Variants in USP35 observed in about 807,000 individuals in gnomAD.
USP35 encodes ubiquitin specific peptidase 35.
In USP35, 69 loss-of-function variants were observed where a neutral mutation model predicts 83.8. That is an observed-to-expected ratio of 0.82 (90% CI 0.68 to 1.01). The LOEUF (loss-of-function observed/expected upper bound fraction) is 1.01. Ranked by LOEUF, USP35 falls within the 50% of genes least tolerant of loss-of-function variation. The pLI, the probability that USP35 is intolerant of heterozygous loss-of-function variation, is 0.00. For missense variants in USP35, 1,503 were observed against 1,362.5 expected (o/e 1.10, Z -1.62); for synonymous variants, 714 against 589.5 (o/e 1.21, Z -3.06).
intron 1 of USP35, among the ~76,000 whole-genome samples, chr11:78,193,495 G>A (rs1403917787): frequency 6.6e-6 from 1 of 151,196 alleles, no homozygotes; most frequent in Admixed American, 6.6e-5. Context: ...ATGAGCCACT[G>A]TGCCCAGCTG....
At chr11:78,193,816 G>A (rs886132887) in intron 1 of USP35, among the ~76,000 whole-genome samples, 6 of 152,062 alleles carry the variant, frequency 3.9e-5, no homozygotes, top group African/African-American at 1.4e-4. Context: ...AGGAAGCTTC[G>A]GGTGGACCCT....
At chr11:78,203,039 C>T (rs1206430470) in intron 6 of USP35, among the ~76,000 whole-genome samples, 4 of 152,034 alleles carry the variant, frequency 2.6e-5, no homozygotes, top group Admixed American at 6.6e-5. Context: ...GAGGAAAACC[C>T]ATGATGAGTG....
chr11:78,202,121 T>C (rs1421733408), intron 6 of USP35, among the ~76,000 whole-genome samples: 2 of 152,230 alleles, frequency 1.3e-5, no homozygotes, highest in Non-Finnish European at 2.9e-5. Flanking sequence ...AATGTTCTTT[T>C]TCCTCTGGAG....
the USP35 span, chr11:78,222,323 T>C: frequency 6.0e-6 from 4 of 665,986 alleles, no homozygotes; most frequent in Admixed American, 6.6e-5. Flanking sequence ...ACAGGGAAAC[T>C]GACGCTCAGC....
intron 7 of USP35, among the ~76,000 whole-genome samples, chr11:78,206,502 C>G (rs915593517): frequency 6.6e-6 from 1 of 152,146 alleles, no homozygotes; most frequent in African/African-American, 2.4e-5. Flanking sequence ...TCTGGCTTAT[C>G]GTATGTCCTC....
intron 1 of USP35, among the ~76,000 whole-genome samples, chr11:78,190,771 G>A (rs1356207721): frequency 6.6e-6 from 1 of 152,224 alleles, no homozygotes; most frequent in Non-Finnish European, 1.5e-5. Flanking sequence ...TGAAGGGTGA[G>A]TCAGAATTTT....
chr11:78,227,470 T>G, the USP35 span, among the ~76,000 whole-genome samples: 1 of 152,000 alleles, frequency 6.6e-6, no homozygotes, highest in South Asian at 2.1e-4. Context: ...AACTAGCCCA[T>G]GGGTATTGAT....
Position 78,210,572 on chromosome 11 carries a change from T to C in USP35, c.2717T>C (p.Val906Ala). 1 of 1,613,528 alleles carries C rather than the reference T, an allele frequency of 6.2e-7. No homozygotes were observed. The highest frequency in any genetic ancestry group is 8.5e-7 in the Non-Finnish European group (1 of 1,179,470). ...GTGTCCTTCTCTTCCTTCGAATCTG[T>C]CAGCAACGTCACCTCCTTCTTCCCT... ...TRVSFSSFES[V>A]SNVTSFFPKD... is the part of the protein sequence containing the mutation. The change falls in exon 10 of 11, where the codon GTC (valine) becomes GCC (alanine). Residue 906 changes from valine (V) to alanine (A), a missense_variant. Val to Ala is a moderately conservative substitution (Grantham distance 64). Transcript: ENST00000529308.
intron 10 of USP35, among the ~76,000 whole-genome samples, chr11:78,213,075 G>C (rs1863859008): frequency 6.6e-6 from 1 of 152,156 alleles, no homozygotes; most frequent in Non-Finnish European, 1.5e-5. Context: ...TACAGCAACT[G>C]GTGTGGGGAC....
At chr11:78,220,491 A>C in the USP35 span, 1 of 1,516,228 alleles carries the variant, frequency 6.6e-7, no homozygotes, top group Non-Finnish European at 8.9e-7. Context: ...AAAACAGACT[A>C]ACCCACCACC....
At position 78,200,155 on chromosome 11, in the gene USP35, C is replaced by T. The variant is rs1394124204; in HGVS notation, c.959C>T (p.Pro320Leu). The T allele has an allele frequency of 6.2e-7, 1 of 1,614,194 alleles. No individual in the cohort carries two copies. ...IEKVFSKLLYPIVRGAALSVL... is the reference protein window; with the variant it reads ...IEKVFSKLLYLIVRGAALSVL... The stretch of plus-strand genomic sequence containing the variant: ...TAGGTTTTCTCTAAGCTGCTGTACC[C>T]CATCGTCCGGGGAGCTGCCTTGTCT... Residue 320 changes from proline to leucine, a missense_variant, in exon 5 of 11, where the codon CCC becomes CTC. By Grantham distance (98) the Pro-to-Leu change is moderately conservative. Transcript: ENST00000529308.
intron 1 of USP35, among the ~76,000 whole-genome samples, chr11:78,190,422 T>G (rs1213502324): frequency 6.6e-6 from 1 of 152,150 alleles, no homozygotes; most frequent in Non-Finnish European, 1.5e-5. Flanking sequence ...GAGGGGGTGG[T>G]GACTGGACCA....
chr11:78,234,798 T>A, the USP35 span, among the ~76,000 whole-genome samples: 1 of 152,060 alleles, frequency 6.6e-6, no homozygotes, highest in Non-Finnish European at 1.5e-5. Flanking sequence ...GTTGTTCTTT[T>A]AAAAATTTCT....
chr11:78,232,881 A>AT, the USP35 span, among the ~76,000 whole-genome samples: 2 of 152,180 alleles, frequency 1.3e-5, no homozygotes, highest in Non-Finnish European at 2.9e-5. Flanking sequence ...ATCTTACAGG[A>AT]TTACTTTGGA....
chr11:78,221,858 C>T, the USP35 span: 1 of 911,122 alleles, frequency 1.1e-6, no homozygotes, highest in Non-Finnish European at 1.8e-6. Flanking sequence ...TGGGCCCTGA[C>T]CCTCACACAC....
chr11:78,196,540 C>A lies in USP35; in HGVS notation c.295C>A (p.Arg99Ser), dbSNP rs750390522. 8.1e-7 allele frequency: 1 copy of A among 1,230,166 alleles called. No individual in the cohort carries two copies. Among genetic ancestry groups the A allele is most frequent in the South Asian group, 2.2e-5 (1 of 45,384 alleles). The allele number at this position is 1,230,166 out of a possible 1,614,324, so 76.2% of individuals were successfully genotyped here. A position where few individuals can be genotyped will look rare whatever the true frequency, so the allele number is the denominator to read the frequency against. The change falls in exon 2 of 11, where the codon CGC becomes AGC. Residue 99 changes from arginine (R) to serine (S), a missense_variant. Arg to Ser is a moderately radical substitution (Grantham distance 110). Transcript: ENST00000529308. This position sits in a 1 kb window ranked among gnomAD's most constrained non-coding sequence, Gnocchi z 4.8. Reference protein sequence around the residue: ...LQGGAGPPGPRALACVQLGLQ... With the variant: ...LQGGAGPPGPSALACVQLGLQ... ...GGGTGGCGCCGGCCCCCCGGGCCCC[C>A]GCGCGCTCGCCTGCGTGCAGCTGGG...
the USP35 span, chr11:78,223,544 T>C: frequency 2.0e-5 from 32 of 1,613,616 alleles, no homozygotes; most frequent in East Asian, 3.1e-4. Context: ...CCTGGGCTCA[T>C]TGGGATGTAG....
chr11:78,223,727 C>T, the USP35 span: 1 of 1,469,862 alleles, frequency 6.8e-7, no homozygotes, highest in Non-Finnish European at 9.2e-7. Flanking sequence ...CAAGAAGAAA[C>T]AGGAAGGGGG....
In USP35 at chr11:78,191,385, A is replaced by T. The variant is rs144712203; in HGVS notation, c.-11+2228A>T. ...TTGCTGGGACGCCCCTCAGGCTGTC[A>T]TGCCAGTAGGGCGAGGGGTATGAGG... On this transcript the variant is annotated intron_variant, in intron 1 of 10. Coordinates refer to ENST00000529308, the MANE Select transcript of USP35 (RefSeq NM_020798.4). Among the ~76,000 whole-genome samples, 310 of 152,360 alleles carry T rather than the reference A, an allele frequency of 2.0e-3. 1 individual carries two copies. Among genetic ancestry groups the T allele is most frequent in the Middle Eastern group, 0.014 (4 of 294 alleles).
Sources: gnomAD v4.1 joint callset for allele counts (sites outside exome capture counted in the v4.1 genomes callset) on GRCh38, gnomAD v4.1.1 for gene constraint, Gnocchi (gnomAD v3.1) non-coding constraint, MANE v1.5 for transcripts, NCBI Gene and HGNC (gene_info 2026-07-23, HGNC 2026-07-21) for gene names.